Variants in NRDE2 observed in about 807,000 individuals in gnomAD.
The protein encoded by NRDE2 is NRDE-2, necessary for RNA interference, domain containing, also known as nuclear exosome regulator NRDE2.
A neutral mutation model predicts 124.2 loss-of-function variants in NRDE2; 76 were observed. That is an observed-to-expected ratio of 0.61 (90% CI 0.51 to 0.74). The LOEUF is 0.74. Ranked by LOEUF, NRDE2 falls within the 30% of genes least tolerant of loss-of-function variation. The probability of loss-of-function intolerance (pLI) is 0.00; values close to 1 mark genes in which losing one functional copy is unlikely to be tolerated. For missense variants in NRDE2, 1,314 were observed against 1,417.3 expected, an observed-to-expected ratio of 0.93 and a Z score of 1.17; for synonymous variants, 489 against 528.1, an observed-to-expected ratio of 0.93 and a Z score of 1.01.
chr14:90,303,404 A>G (rs1884478539), intron 5 of NRDE2, among the ~76,000 whole-genome samples: 1 of 152,258 alleles, frequency 6.6e-6, no homozygotes, highest in African/African-American at 2.4e-5. Flanking sequence ...TCTGAAGAGC[A>G]GACCTTACCA....
intron 8 of NRDE2, among the ~76,000 whole-genome samples, chr14:90,295,120 A>G (rs911634570): frequency 6.6e-6 from 1 of 152,210 alleles, no homozygotes; most frequent in Non-Finnish European, 1.5e-5. Flanking sequence ...TGAAATGTGA[A>G]TGAACTGCAG....
intron 4 of NRDE2, among the ~76,000 whole-genome samples, chr14:90,305,875 G>GCTT (rs1884579156): frequency 6.6e-6 from 1 of 152,136 alleles, no homozygotes; most frequent in Admixed American, 6.5e-5. Context: ...GAAGCTTTGT[G>GCTT]CATTACATTG....
chr14:90,278,074 T>C lies in NRDE2; in HGVS notation c.*262A>G, dbSNP rs2139661670. Reference sequence around the variant, plus strand: ...GCTGCCACGCCTCAATCATCATCGGTTTAATGACCACGTGGCATGACTCTC... The same window carrying C: ...GCTGCCACGCCTCAATCATCATCGGCTTAATGACCACGTGGCATGACTCTC... On this transcript the variant is annotated 3_prime_UTR_variant, in exon 14 of 14. Coordinates refer to ENST00000354366, the MANE Select transcript of NRDE2 (RefSeq NM_017970.4). 1 of 331,218 alleles carries C rather than the reference T, an allele frequency of 3.0e-6. No individual in the cohort carries two copies. Among genetic ancestry groups the C allele is most frequent in the East Asian group, 5.9e-5 (1 of 17,076 alleles). The allele number at this position is 331,218 out of a possible 1,614,324, so 20.5% of individuals were successfully genotyped here.
intron 6 of NRDE2, chr14:90,301,743 A>G: frequency 2.2e-6 from 1 of 457,018 alleles, no homozygotes; most frequent in South Asian, 1.6e-5. Context: ...AAAGAGCTGT[A>G]TTCAGTTGAT....
intron 4 of NRDE2, among the ~76,000 whole-genome samples, chr14:90,309,586 AAC>A (rs2139698353): frequency 6.6e-6 from 1 of 152,254 alleles, no homozygotes; most frequent in South Asian, 2.1e-4. Context: ...CTTCCTATAA[AAC>A]ACACAGACTC....
intron 1 of NRDE2, among the ~76,000 whole-genome samples, chr14:90,330,815 A>C (rs1885662022): frequency 6.6e-6 from 1 of 152,156 alleles, no homozygotes; most frequent in Admixed American, 6.5e-5. Flanking sequence ...CTCAAAAAAA[A>C]AAAAAAAAAT....
chr14:90,274,514 G>GCA lies in NRDE2; in HGVS notation c.*3820_*3821dup, dbSNP rs1891750554. 6.6e-6 allele frequency: 1 copy of GCA among 151,938 alleles called. No individual in the cohort carries two copies. Among genetic ancestry groups the GCA allele is most frequent in the Admixed American group, 6.6e-5 (1 of 15,200 alleles). 9.4% of individuals were successfully genotyped at this position (151,938 alleles called of 1,614,324 possible). A position where few individuals can be genotyped will look rare whatever the true frequency, so the allele number is the denominator to read the frequency against. On this transcript the variant is annotated 3_prime_UTR_variant, in exon 14 of 14. Coordinates refer to ENST00000354366, the MANE Select transcript of NRDE2 (RefSeq NM_017970.4). ...AACAGTGACACCCCAACTGCAGTGA[G>GCA]CACCCCTAGACCCAGACCTTTGCTG...
In NRDE2 at chr14:90,290,476, A is replaced by ATAAAGACAGGAGGCTGGAGGAG; in HGVS notation, c.1952_1973dup (p.Leu659SerfsTer12). 1 of 1,614,122 alleles carries ATAAAGACAGGAGGCTGGAGGAG rather than the reference A, an allele frequency of 6.2e-7. No individual in the cohort carries two copies. The highest frequency in any genetic ancestry group is 8.5e-7 in the Non-Finnish European group (1 of 1,180,034). On this transcript the variant is annotated frameshift_variant, in exon 10 of 14. Coordinates refer to ENST00000354366, the MANE Select transcript of NRDE2 (RefSeq NM_017970.4). LOFTEE classifies it high-confidence loss of function. Reference sequence around the variant, plus strand: ...AGATGCTGTTCTCATCCATGGCCAGATAAAGACAGGAGGCTGGAGGAGTAA... The same window carrying ATAAAGACAGGAGGCTGGAGGAG: ...AGATGCTGTTCTCATCCATGGCCAGATAAAGACAGGAGGCTGGAGGAGTAAAGACAGGAGGCTGGAGGAGTAA...
chr14:90,295,115 T>C (rs1241974419), intron 8 of NRDE2, among the ~76,000 whole-genome samples: 2 of 152,124 alleles, frequency 1.3e-5, no homozygotes, highest in South Asian at 2.1e-4. Context: ...AATGGTGAAA[T>C]GTGAATGAAC....
At chr14:90,301,165 T>C in intron 7 of NRDE2, 74 bp downstream of exon 7, 8 of 1,488,492 alleles carry the variant, frequency 5.4e-6, no homozygotes, top group Non-Finnish European at 7.5e-6. Flanking sequence ...CCACCTCTCA[T>C]TATCCACACC....
intron 4 of NRDE2, among the ~76,000 whole-genome samples, chr14:90,312,153 G>A (rs1884864870): frequency 6.6e-6 from 1 of 152,138 alleles, no homozygotes; most frequent in Non-Finnish European, 1.5e-5. Context: ...CTTATTGAAC[G>A]CCTACTGTGC....
At chr14:90,300,533 T>C (rs1234517951) in intron 7 of NRDE2, among the ~76,000 whole-genome samples, 1 of 151,996 alleles carries the variant, frequency 6.6e-6, no homozygotes, top group African/African-American at 2.4e-5. Flanking sequence ...AGGGAAAAGA[T>C]ACATTTTCTT....
chr14:90,312,492 C>T lies in NRDE2; in HGVS notation c.459G>A (p.Glu153=), dbSNP rs1173964511. The T allele has an allele frequency of 6.2e-7, 1 of 1,614,114 alleles. No homozygotes were observed. Among genetic ancestry groups the T allele is most frequent in the East Asian group, 2.2e-5 (1 of 44,882 alleles). Residue 153 remains glutamate, a synonymous_variant, in exon 4 of 14, where the codon GAG becomes GAA. Coordinates refer to ENST00000354366, the MANE Select transcript of NRDE2 (RefSeq NM_017970.4). ...ADTGHRFVWL[E]DIQAVTGETF... ...TTTCTCCCGTCACAGCCTGAATGTCCTCAAGCCAAACAAAGCGATGTCCAG... is the reference window on the plus strand; with the variant it reads ...TTTCTCCCGTCACAGCCTGAATGTCTTCAAGCCAAACAAAGCGATGTCCAG...
In NRDE2 at chr14:90,277,522, C is replaced by T. The variant is rs1181604251; in HGVS notation, c.*814G>A. 6.6e-6 allele frequency: 1 copy of T among 152,286 alleles called. No homozygotes were observed. The highest frequency in any genetic ancestry group is 6.5e-5 in the Admixed American group (1 of 15,290). The allele number at this position is 152,286 out of a possible 1,614,324, so 9.4% of individuals were successfully genotyped here. Reference sequence around the variant, plus strand: ...TTCTGTTCACAGCCCTCGAATGCAACACCAGAACCAGGCCAGCCTTGGCCT... The same window carrying T: ...TTCTGTTCACAGCCCTCGAATGCAATACCAGAACCAGGCCAGCCTTGGCCT... On this transcript the variant is annotated 3_prime_UTR_variant, in exon 14 of 14. Coordinates refer to ENST00000354366, the MANE Select transcript of NRDE2 (RefSeq NM_017970.4).
At chr14:90,292,908 A>G in intron 8 of NRDE2, 36 bp from the exon 9 acceptor site, 1 of 1,588,718 alleles carries the variant, frequency 6.3e-7, no homozygotes, top group South Asian at 1.1e-5. Flanking sequence ...CTCATCAGCA[A>G]ATAAAACCAC....
rs967205490 is a variant in NRDE2, at chr14:90,267,986, C to T, written c.*10350G>A. The T allele has an allele frequency of 1.0e-5, 4 of 396,482 alleles. No individual in the cohort carries two copies. The highest frequency in any genetic ancestry group is 4.2e-5 in the Admixed American group (1 of 23,742). The allele number at this position is 396,482 out of a possible 1,614,324, so 24.6% of individuals were successfully genotyped here. On this transcript the variant is annotated 3_prime_UTR_variant, in exon 14 of 14. Coordinates refer to ENST00000354366, the MANE Select transcript of NRDE2 (RefSeq NM_017970.4). ...TAACCAAGTAAAAAGTATTTTCTGA[C>T]GTTATCATAAGTTCAGCAAAATAGC... is the stretch of plus-strand genomic sequence containing the variant.
Position 90,270,262 on chromosome 14 carries a change from G to T in NRDE2, c.*8074C>A. 1 of 1,613,702 alleles carries T rather than the reference G, an allele frequency of 6.2e-7. No homozygotes were observed. Among genetic ancestry groups the T allele is most frequent in the Non-Finnish European group, 8.5e-7 (1 of 1,179,878 alleles). On this transcript the variant is annotated 3_prime_UTR_variant, in exon 14 of 14. Coordinates refer to ENST00000354366, the MANE Select transcript of NRDE2 (RefSeq NM_017970.4). ...AAAAGACGAAGAAGCGCATCTTTCA[G>T]ATTCACACAAGCAGGATGACGCTGG... is the stretch of plus-strand genomic sequence containing the variant.
chr14:90,294,604 T>A (rs1892359342), intron 8 of NRDE2, among the ~76,000 whole-genome samples: 1 of 152,150 alleles, frequency 6.6e-6, no homozygotes, highest in Non-Finnish European at 1.5e-5. Context: ...TACTGTATGA[T>A]TCCACATCCA....
At position 90,304,267 on chromosome 14, in the gene NRDE2, T is replaced by C. The variant is rs769899603; in HGVS notation, c.673A>G (p.Thr225Ala). 6 of 1,614,022 alleles carry C rather than the reference T, an allele frequency of 3.7e-6. No individual in the cohort carries two copies. In the East Asian group the frequency reaches 1.1e-4, roughly 30 times the overall value. The part of the protein sequence containing the change: ...HSRKQVERYF[T>A]KKSVGLMNID... Reference sequence around the variant, plus strand: ...TTCATTAATCCCACACTCTTCTTAGTAAAATAGCGTTCAACCTGCTTGCGT... The same window carrying C: ...TTCATTAATCCCACACTCTTCTTAGCAAAATAGCGTTCAACCTGCTTGCGT... Residue 225 changes from threonine (T) to alanine (A), a missense_variant, in exon 5 of 14, where the codon ACT becomes GCT. Coordinates refer to ENST00000354366, the MANE Select transcript of NRDE2 (RefSeq NM_017970.4).
Sources: allele counts gnomAD v4.1 joint callset (sites outside exome capture counted in the v4.1 genomes callset), GRCh38; gene constraint gnomAD v4.1.1; transcripts MANE v1.5; gene names NCBI Gene and HGNC (gene_info 2026-07-23, HGNC 2026-07-21).